VRK2: variants seen among roughly 807,000 people sequenced by gnomAD.
The protein encoded by VRK2 is serine/threonine-protein kinase VRK2.
A neutral mutation model predicts 57.6 loss-of-function variants in VRK2; 60 were observed. That is an observed-to-expected ratio of 1.04 (90% CI 0.85 to 1.29). The LOEUF (loss-of-function observed/expected upper bound fraction) is 1.29, where lower values mean the gene tolerates loss of function less well. Ranked by LOEUF, VRK2 falls within the 50% of genes most tolerant of loss-of-function variation. The pLI, the probability that VRK2 is intolerant of heterozygous loss-of-function variation, is 0.00. For synonymous variants in VRK2, 231 were observed against 199.2 expected (o/e 1.16, Z -1.35); for missense variants, 705 against 588.1 (o/e 1.20, Z -2.06).
At chr2:58,060,377 G>T (rs1225339209) in intron 2 of VRK2, among the ~76,000 whole-genome samples, 1 of 151,732 alleles carries the variant, frequency 6.6e-6, no homozygotes, top group East Asian at 1.9e-4. Flanking sequence ...TTTTTTTGGG[G>T]AGGGGAGCAC....
At chr2:57,915,989 C>T (rs1285253399) in intron 1 of VRK2, among the ~76,000 whole-genome samples, 1 of 152,132 alleles carries the variant, frequency 6.6e-6, no homozygotes, top group Non-Finnish European at 1.5e-5. Context: ...CACCACTCCC[C>T]ATGCCAGTTT....
At chr2:58,000,746 T>G (rs898116725) in intron 1 of VRK2, among the ~76,000 whole-genome samples, 1 of 152,230 alleles carries the variant, frequency 6.6e-6, no homozygotes, top group African/African-American at 2.4e-5. Flanking sequence ...AGTTTCATAT[T>G]AGATTCATTT....
intron 1 of VRK2, among the ~76,000 whole-genome samples, chr2:57,930,289 C>T (rs1670676754): frequency 6.6e-6 from 1 of 152,170 alleles, no homozygotes; most frequent in Non-Finnish European, 1.5e-5. Flanking sequence ...CTAAATGCTC[C>T]TCTGTGTGTG....
intron 7 of VRK2, among the ~76,000 whole-genome samples, chr2:58,091,019 TA>T (rs1176642607): frequency 1.3e-5 from 2 of 152,162 alleles, no homozygotes; most frequent in African/African-American, 2.4e-5. Flanking sequence ...ATAGAGACAG[TA>T]AAAAGATCAA....
chr2:57,954,654 T>C (rs1274344950), intron 1 of VRK2, among the ~76,000 whole-genome samples: 1 of 152,114 alleles, frequency 6.6e-6, no homozygotes, highest in African/African-American at 2.4e-5. Flanking sequence ...TGTTGCTATA[T>C]GATGATGTCA....
intron 7 of VRK2, among the ~76,000 whole-genome samples, chr2:58,089,939 A>C (rs910632281): frequency 1.3e-5 from 2 of 152,194 alleles, no homozygotes; most frequent in Non-Finnish European, 2.9e-5. Context: ...TAATATGTTA[A>C]TGGGCACACA....
At chr2:58,003,774 T>C (rs375868864) in intron 1 of VRK2, among the ~76,000 whole-genome samples, 3 of 152,258 alleles carry the variant, frequency 2.0e-5, no homozygotes, top group East Asian at 3.9e-4. Flanking sequence ...ATAATTCTAA[T>C]CCAGGCTGAA....
intron 1 of VRK2, among the ~76,000 whole-genome samples, chr2:57,923,691 C>CT (rs1670433021): frequency 6.6e-6 from 1 of 151,482 alleles, no homozygotes; most frequent in South Asian, 2.1e-4. Context: ...GTCTCTTCAC[C>CT]TTTTTTTGTT....
upstream of VRK2, chr2:58,046,414 G>T: frequency 1.1e-6 from 1 of 874,500 alleles, no homozygotes; most frequent in Non-Finnish European, 1.4e-6. Flanking sequence ...ATAGTTAGTT[G>T]CTCGGCGAGA....
chr2:58,107,866 A>AT (rs1674981769), intron 7 of VRK2, among the ~76,000 whole-genome samples: 1 of 151,962 alleles, frequency 6.6e-6, no homozygotes, highest in African/African-American at 2.4e-5. Context: ...CCTACTTCTT[A>AT]TATCAACGTC....
rs138988386 is a variant in VRK2 at position 57,963,704 on chromosome 2, T to C, written c.-439+55865T>C. ...AGTCCCAGTAACAGTGTCTTCAAAGTATTTACACATTGACTGACTTTGAAT... is the reference window on the plus strand; with the variant it reads ...AGTCCCAGTAACAGTGTCTTCAAAGCATTTACACATTGACTGACTTTGAAT... On this transcript the variant is annotated intron_variant, in intron 1 of 15. Transcript: ENST00000417641. 8.5e-5 allele frequency among the ~76,000 whole-genome samples: 13 copies of C among 152,348 alleles called. No individual in the cohort carries two copies. The East Asian group carries it at 2.5e-3, about 29-fold the overall frequency.
intron 1 of VRK2, among the ~76,000 whole-genome samples, chr2:57,977,522 G>C (rs1181875945): frequency 6.9e-6 from 1 of 144,858 alleles, no homozygotes; most frequent in African/African-American, 2.9e-5. Context: ...TTGCAGGTTG[G>C]ACATTGTTGG....
chr2:58,075,059 A>G (rs948270590), intron 2 of VRK2, among the ~76,000 whole-genome samples: 2 of 152,120 alleles, frequency 1.3e-5, no homozygotes, highest in East Asian at 3.9e-4. Flanking sequence ...TATACCCTTA[A>G]GTAGGCGCCG....
At chr2:58,048,376 G>T (rs961116822) in intron 1 of VRK2, among the ~76,000 whole-genome samples, 3 of 152,142 alleles carry the variant, frequency 2.0e-5, no homozygotes, top group Non-Finnish European at 1.5e-5. Context: ...GCCATTGTCT[G>T]TGTCTTCCCA....
At chr2:58,055,988 A>G (rs1355090194) in intron 2 of VRK2, among the ~76,000 whole-genome samples, 2 of 152,186 alleles carry the variant, frequency 1.3e-5, no homozygotes, top group African/African-American at 4.8e-5. Flanking sequence ...TCTATCATGT[A>G]TATAAACTTT....
At chr2:57,970,223 C>A (rs1203443014) in intron 1 of VRK2, among the ~76,000 whole-genome samples, 1 of 148,908 alleles carries the variant, frequency 6.7e-6, no homozygotes, top group South Asian at 2.1e-4. Context: ...TATATATACA[C>A]ATATATATTC....
At chr2:58,123,605 T>C (rs956237865) in intron 8 of VRK2, among the ~76,000 whole-genome samples, 7 of 152,132 alleles carry the variant, frequency 4.6e-5, no homozygotes, top group Admixed American at 4.6e-4. Context: ...CTCACACCTA[T>C]AATCCCAGCA....
chr2:58,070,945 C>T (rs1486058731), intron 2 of VRK2, among the ~76,000 whole-genome samples: 3 of 152,086 alleles, frequency 2.0e-5, no homozygotes, highest in Admixed American at 1.3e-4. Context: ...AATGAGAATT[C>T]CTGTTGTGCT....
Position 58,089,735 on chromosome 2 carries a change from C to T in VRK2, c.543+12C>T. On this transcript the variant is annotated intron_variant, in intron 7 of 12. Transcript: ENST00000340157. ...AAAATCCAGACCAGGTAAATACATA[C>T]TTTTGCTTTTAATAAAGGTCTTTAA... 6.3e-7 allele frequency: 1 copy of T among 1,576,066 alleles called. No individual in the cohort carries two copies. The highest frequency in any genetic ancestry group is 8.7e-7 in the Non-Finnish European group (1 of 1,152,522).
Sources: gnomAD v4.1 joint callset for allele counts (sites outside exome capture counted in the v4.1 genomes callset) on GRCh38, gnomAD v4.1.1 for gene constraint, MANE v1.5 for transcripts, NCBI Gene and HGNC (gene_info 2026-07-23, HGNC 2026-07-21) for gene names.